Variants in PRAG1 observed in about 807,000 individuals in gnomAD.
PRAG1 encodes PEAK1 related, kinase-activating pseudokinase 1, also known as inactive tyrosine-protein kinase PRAG1.
In PRAG1, 110 loss-of-function variants were observed where a neutral mutation model predicts 95.6. That is an observed-to-expected ratio of 1.15 (90% CI 0.99 to 1.35). The LOEUF is 1.35. Ranked by LOEUF, PRAG1 falls within the 40% of genes most tolerant of loss-of-function variation. The probability of loss-of-function intolerance (pLI) is 0.00; values close to 1 mark genes in which losing one functional copy is unlikely to be tolerated. For missense variants in PRAG1, 2,554 were observed against 1,864.7 expected (o/e 1.37, Z -6.81); for synonymous variants, 1,052 against 819.4 (o/e 1.28, Z -4.85).
Position 8,328,026 on chromosome 8 carries a change from G to A in PRAG1, c.2756C>T (p.Ser919Leu), listed in dbSNP as rs1175145966. Residue 919 changes from serine (S) to leucine (L), a missense_variant, in exon 5 of 6, where the codon TCA becomes TTA. Coordinates refer to ENST00000615670, the MANE Select transcript of PRAG1 (RefSeq NM_001080826.3). ...GLQCKGAPSA[S>L]SSQLSVSSQA... ...ACTGGACACGCTCAGCTGGGAGGAT[G>A]AGGCGGAGGGGGCCCCTTTGCACTG... The A allele has an allele frequency of 6.3e-6, 10 of 1,582,280 alleles. No individual in the cohort carries two copies. The African/African-American group carries it at 8.1e-5, about 13-fold the overall frequency.
At position 8,381,493 on chromosome 8, in the gene PRAG1, G is replaced by A. The variant is rs374484377; in HGVS notation, c.255C>T (p.Ala85=). 2.7e-5 allele frequency: 43 copies of A among 1,614,202 alleles called. 1 individual carries two copies. The highest frequency in any genetic ancestry group is 1.2e-4 in the Admixed American group (7 of 60,024). ...NSSPYSKPTI[A]VKPTMMSSEA... ...CGGAGCTCATCATGGTGGGCTTCAC[G>A]GCAATTGTGGGCTTGGAGTAAGGTG... The change falls in exon 2 of 6, where the codon GCC becomes GCT. Residue 85 remains alanine (A), a synonymous_variant. Transcript: ENST00000615670.
chr8:8,344,688 A>G (rs1056154270), intron 3 of PRAG1, among the ~76,000 whole-genome samples: 11 of 152,350 alleles, frequency 7.2e-5, no homozygotes, highest in Non-Finnish European at 1.2e-4. Context: ...TGATACACTA[A>G]AAATGAAAAT....
At chr8:8,375,442 C>T (rs908443366) in intron 3 of PRAG1, among the ~76,000 whole-genome samples, 2 of 152,028 alleles carry the variant, frequency 1.3e-5, no homozygotes, top group Admixed American at 6.6e-5. Flanking sequence ...GATCGTGATC[C>T]GCCCGCCTCG....
intron 3 of PRAG1, among the ~76,000 whole-genome samples, chr8:8,369,870 C>T (rs1250907025): frequency 6.6e-6 from 1 of 151,976 alleles, no homozygotes; most frequent in African/African-American, 2.4e-5. Context: ...CTATAAGAAC[C>T]TGTCTCAACA....
At chr8:8,379,246 T>G (rs1800552928) in intron 2 of PRAG1, among the ~76,000 whole-genome samples, 1 of 152,230 alleles carries the variant, frequency 6.6e-6, no homozygotes, top group African/African-American at 2.4e-5. Flanking sequence ...AGCAGTGACC[T>G]CAGCCTGAGC....
At chr8:8,323,161 G>A (rs887532050) in intron 5 of PRAG1, among the ~76,000 whole-genome samples, 1 of 152,148 alleles carries the variant, frequency 6.6e-6, no homozygotes, top group African/African-American at 2.4e-5. Flanking sequence ...CTGGAAACAT[G>A]CACATTGGGT....
Position 8,377,862 on chromosome 8 carries a change from G to A in PRAG1, c.547C>T (p.Pro183Ser), listed in dbSNP as rs867219768. ...RNIAFHPVSF[P>S]EEKAVHKEKP... is the part of the protein sequence containing the mutation. ...TCTTTGTGCACAGCCTTCTCCTCCG[G>A]GAAGCTCACCGGGTGGAAGGCAATG... The change falls in exon 3 of 6, where the codon CCG becomes TCG. Residue 183 changes from proline (P) to serine (S), a missense_variant. Physicochemically the swap from Pro to Ser is moderately conservative, Grantham distance 74. Transcript: ENST00000615670. 2 of 1,614,150 alleles carry A rather than the reference G, an allele frequency of 1.2e-6. No individual in the cohort carries two copies. Among genetic ancestry groups the A allele is most frequent in the East Asian group, 4.5e-5 (2 of 44,864 alleles).
chr8:8,384,216 C>T (rs186682144), intron 1 of PRAG1, among the ~76,000 whole-genome samples: 10 of 152,208 alleles, frequency 6.6e-5, no homozygotes, highest in African/African-American at 2.4e-4. Context: ...CCTCAACAGG[C>T]AAGTAAGAAC....
At position 8,367,991 on chromosome 8, in the gene PRAG1, C is replaced by T. The variant is rs140522460; in HGVS notation, c.2162+8256G>A. Among the ~76,000 whole-genome samples the T allele has an allele frequency of 9.9e-5, 15 of 152,222 alleles. No homozygotes were observed. In the East Asian group the frequency reaches 2.7e-3, roughly 27 times the overall value. The stretch of plus-strand genomic sequence containing the variant: ...AATTTTGACTGCCATATGGAGCTCA[C>T]AAAGAGCAGAAGCTATTCTGAAGAG... On this transcript the variant is annotated intron_variant, in intron 3 of 5. Transcript: ENST00000615670.
At chr8:8,374,214 G>C (rs1444363618) in intron 3 of PRAG1, among the ~76,000 whole-genome samples, 5 of 152,192 alleles carry the variant, frequency 3.3e-5, no homozygotes, top group Admixed American at 3.3e-4. Flanking sequence ...CAGACTCTCA[G>C]TTTAGAGACC....
chr8:8,378,023 G>A lies in PRAG1; in HGVS notation c.386C>T (p.Pro129Leu). The change falls in exon 3 of 6, where the codon CCC (proline) becomes CTC (leucine). Residue 129 changes from proline (P) to leucine (L), a missense_variant. Pro to Leu is a moderately conservative substitution (Grantham distance 98). Coordinates refer to ENST00000615670, the MANE Select transcript of PRAG1 (RefSeq NM_001080826.3). Reference protein sequence around the residue: ...KLPLPKQEDAPVVYLGSFRGV... With the variant: ...KLPLPKQEDALVVYLGSFRGV... ...TCGGAAGCTGCCCAGGTAGACGACGGGGGCATCCTCCTGCTTCGGGAGGGG... is the reference window on the plus strand; with the variant it reads ...TCGGAAGCTGCCCAGGTAGACGACGAGGGCATCCTCCTGCTTCGGGAGGGG... 1.3e-6 allele frequency: 2 copies of A among 1,578,874 alleles called. No individual in the cohort carries two copies. Among genetic ancestry groups the A allele is most frequent in the South Asian group, 1.2e-5 (1 of 85,746 alleles).
At chr8:8,369,634 T>C (rs1362085220) in intron 3 of PRAG1, among the ~76,000 whole-genome samples, 2 of 152,160 alleles carry the variant, frequency 1.3e-5, no homozygotes, top group African/African-American at 2.4e-5. Flanking sequence ...ACCTTAGGAA[T>C]TGCAGATGGT....
intron 3 of PRAG1, among the ~76,000 whole-genome samples, chr8:8,371,699 G>A (rs572223969): frequency 2.0e-5 from 3 of 152,192 alleles, no homozygotes; most frequent in East Asian, 1.9e-4. Flanking sequence ...GTGAAACTCC[G>A]TCTCTACAAA....
chr8:8,381,823 C>G lies in PRAG1; in HGVS notation c.-76G>C. On this transcript the variant is annotated 5_prime_UTR_variant, in exon 2 of 6. Coordinates refer to ENST00000615670, the MANE Select transcript of PRAG1 (RefSeq NM_001080826.3). ...TTTTGTGGGATTCAGAGGTGGGTCA[C>G]AGAGCGGCTTCCTAGAAAGGCAGGA... The G allele has an allele frequency of 8.0e-7, 1 of 1,242,644 alleles. No individual in the cohort carries two copies. Among genetic ancestry groups the G allele is most frequent in the Admixed American group, 2.8e-5 (1 of 36,316 alleles). 77.0% of individuals were successfully genotyped at this position (1,242,644 alleles called of 1,614,324 possible).
intron 2 of PRAG1, among the ~76,000 whole-genome samples, chr8:8,379,583 T>G (rs549279594): frequency 1.8e-4 from 27 of 152,314 alleles, no homozygotes; most frequent in African/African-American, 5.8e-4. Flanking sequence ...CAATGAAGAC[T>G]CCCCTGATTT....
intron 3 of PRAG1, among the ~76,000 whole-genome samples, chr8:8,352,237 A>G (rs1204021109): frequency 6.6e-6 from 1 of 152,148 alleles, no homozygotes; most frequent in African/African-American, 2.4e-5. Flanking sequence ...AGCAGACACC[A>G]TCACAGGTTC....
chr8:8,358,128 G>T (rs921652481), intron 3 of PRAG1, among the ~76,000 whole-genome samples: 9 of 152,168 alleles, frequency 5.9e-5, no homozygotes, highest in Non-Finnish European at 1.3e-4. Flanking sequence ...ATAAATTGGG[G>T]CTCCCATAAT....
chr8:8,349,824 C>T (rs1035977346), intron 3 of PRAG1, among the ~76,000 whole-genome samples: 1 of 152,072 alleles, frequency 6.6e-6, no homozygotes, highest in African/African-American at 2.4e-5. Flanking sequence ...GCACTAGTGA[C>T]TCTTCTGGAG....
intron 1 of PRAG1, among the ~76,000 whole-genome samples, chr8:8,383,036 C>A (rs191627748): frequency 6.6e-5 from 10 of 152,306 alleles, no homozygotes; most frequent in Admixed American, 3.3e-4. Flanking sequence ...AATAGGTTCT[C>A]ATTAAATAGG....
Sources: allele counts gnomAD v4.1 joint callset (sites outside exome capture counted in the v4.1 genomes callset), GRCh38; gene constraint gnomAD v4.1.1; transcripts MANE v1.5; gene names NCBI Gene and HGNC (gene_info 2026-07-23, HGNC 2026-07-21).